The following OTULIN variants were observed in gnomAD, a reference collection of about 807,000 sequenced individuals.
The protein encoded by OTULIN is ubiquitin thioesterase otulin.
Under a neutral mutation model 39.6 loss-of-function variants are expected in OTULIN, and 15 were observed. That is an observed-to-expected ratio of 0.38 (90% CI 0.25 to 0.58). The LOEUF is 0.58. Among genes scored for constraint, OTULIN ranks in the 20% least tolerant of loss-of-function variants. The pLI, the probability that OTULIN is intolerant of heterozygous loss-of-function variation, is 0.66. For missense variants in OTULIN, 319 were observed against 445.9 expected (o/e 0.72, Z 2.56); for synonymous variants, 156 against 170.3 (o/e 0.92, Z 0.65).
At chr5:14,710,749 C>CAAATCAAAGGAAGCCGAGTTTT in the OTULIN span, 1 of 198,550 alleles carries the variant, frequency 5.0e-6, no homozygotes, top group South Asian at 8.6e-5. Context: ...GACTGGGAAG[C>CAAATCAAAGGAAGCCGAGTTTT]AAATCAAAGG....
In OTULIN at chr5:14,693,655, G is replaced by A. The variant is rs1736591514; in HGVS notation, c.*607G>A. ...CCTTTTTATGAAGGGAAGAGCAATGGTTTGGACTTACATCTTAATTAAGGC... is the reference window on the plus strand; with the variant it reads ...CCTTTTTATGAAGGGAAGAGCAATGATTTGGACTTACATCTTAATTAAGGC... On this transcript the variant is annotated 3_prime_UTR_variant, in exon 7 of 7. Transcript: ENST00000284274. 2 of 152,190 alleles carry A rather than the reference G, an allele frequency of 1.3e-5. No homozygotes were observed. The highest frequency in any genetic ancestry group is 2.9e-5 in the Non-Finnish European group (2 of 68,044). The allele number at this position is 152,190 out of a possible 1,614,324, so 9.4% of individuals were successfully genotyped here. A position where few individuals can be genotyped will look rare whatever the true frequency, so the allele number is the denominator to read the frequency against.
chr5:14,678,593 A>T, intron 2 of OTULIN, 88 bp from the exon 3 acceptor site: 1 of 921,240 alleles, frequency 1.1e-6, no homozygotes, highest in Non-Finnish European at 1.6e-6. Flanking sequence ...AAGAAAATGA[A>T]GAGTGAAGGG....
intron 4 of OTULIN, among the ~76,000 whole-genome samples, chr5:14,684,614 C>T (rs1194436728): frequency 2.0e-5 from 3 of 152,128 alleles, no homozygotes; most frequent in African/African-American, 7.2e-5. Context: ...GTTGAGTGAG[C>T]GTTTCTTGCA....
At chr5:14,689,950 T>A (rs1736482580) in intron 5 of OTULIN, 89 bp from the exon 6 acceptor site, 5 of 1,405,246 alleles carry the variant, frequency 3.6e-6, no homozygotes, top group South Asian at 1.4e-5. Context: ...TGGTCACTTT[T>A]AAAAAATAAT....
At chr5:14,701,145 C>T (rs1436372497), downstream of OTULIN, among the ~76,000 whole-genome samples, 1 of 152,206 alleles carries the variant, frequency 6.6e-6, no homozygotes. Flanking sequence ...CTTTGAGGCC[C>T]CCTCTGTCTC....
chr5:14,687,673 A>G, intron 5 of OTULIN, 27 bp downstream of exon 5: 1 of 1,582,382 alleles, frequency 6.3e-7, no homozygotes, highest in Non-Finnish European at 8.6e-7. Flanking sequence ...GTCCTGTCTG[A>G]TAAGGGTGAA....
intron 5 of OTULIN, 152 bp downstream of exon 5, chr5:14,687,798 C>A: frequency 2.2e-6 from 2 of 896,778 alleles, no homozygotes; most frequent in Non-Finnish European, 3.3e-6. Context: ...AAACTCTTCC[C>A]ACGAGGGCTT....
intron 3 of OTULIN, among the ~76,000 whole-genome samples, 190 bp downstream of exon 3, chr5:14,678,965 T>C (rs1188097255): frequency 6.6e-6 from 1 of 152,250 alleles, no homozygotes; most frequent in Non-Finnish European, 1.5e-5. Flanking sequence ...AGTATTAATA[T>C]AGAATCAGCA....
rs1736578369 is a variant in OTULIN at position 14,693,221 on chromosome 5, A to G, written c.*173A>G. On this transcript the variant is annotated 3_prime_UTR_variant, in exon 7 of 7. Coordinates refer to ENST00000284274, the MANE Select transcript of OTULIN (RefSeq NM_138348.6). ...GACTAGCTTTTGATAAGAGAAATTA[A>G]CCAAGTCTTTCCCCTCATCTATGAT... 2 of 591,020 alleles carry G rather than the reference A, an allele frequency of 3.4e-6. No individual in the cohort carries two copies. The highest frequency in any genetic ancestry group is 5.9e-6 in the Non-Finnish European group (2 of 340,744). The allele number at this position is 591,020 out of a possible 1,614,324, so 36.6% of individuals were successfully genotyped here. A position where few individuals can be genotyped will look rare whatever the true frequency, so the allele number is the denominator to read the frequency against.
At chr5:14,685,476 C>G (rs1377597266) in intron 4 of OTULIN, among the ~76,000 whole-genome samples, 1 of 152,174 alleles carries the variant, frequency 6.6e-6, no homozygotes, top group Non-Finnish European at 1.5e-5. Flanking sequence ...TGTGCTGTGA[C>G]CTCTGAAAGC....
intron 4 of OTULIN, among the ~76,000 whole-genome samples, chr5:14,681,986 A>G (rs1234968982): frequency 1.3e-5 from 2 of 152,260 alleles, no homozygotes; most frequent in East Asian, 1.9e-4. Flanking sequence ...AATTCAATAA[A>G]TTAGTACTTT....
chr5:14,702,186 G>A (rs1173051698), downstream of OTULIN, among the ~76,000 whole-genome samples: 2 of 152,204 alleles, frequency 1.3e-5, no homozygotes, highest in East Asian at 1.9e-4. Flanking sequence ...GGGACATGGA[G>A]TGGGTTTCCG....
At chr5:14,691,822 A>G (rs1406391395) in intron 6 of OTULIN, among the ~76,000 whole-genome samples, 1 of 152,190 alleles carries the variant, frequency 6.6e-6, no homozygotes. Flanking sequence ...TGGACATTTC[A>G]TATGAATGGA....
intron 5 of OTULIN, 117 bp from the exon 6 acceptor site, chr5:14,689,922 G>A: frequency 2.0e-6 from 2 of 1,009,808 alleles, no homozygotes; most frequent in African/African-American, 1.6e-5. Flanking sequence ...AATGTTGTGA[G>A]CATTGGTAAG....
At position 14,664,796 on chromosome 5, in the gene OTULIN, G is replaced by A; in HGVS notation, c.-30G>A. 1.7e-6 allele frequency: 2 copies of A among 1,197,154 alleles called. No homozygotes were observed. Among genetic ancestry groups the A allele is most frequent in the East Asian group, 3.5e-5 (1 of 28,256 alleles). The allele number at this position is 1,197,154 out of a possible 1,614,324, so 74.2% of individuals were successfully genotyped here. A position where few individuals can be genotyped will look rare whatever the true frequency, so the allele number is the denominator to read the frequency against. ...GAGGGGCTCCGGATCGTTCGGAGCC[G>A]GCTGAACCCCTTCGGCCGCGAGCGA... On this transcript the variant is annotated 5_prime_UTR_variant, in exon 1 of 7. Transcript: ENST00000284274.
At chr5:14,700,676 C>T (rs990542500), downstream of OTULIN, among the ~76,000 whole-genome samples, 79 of 151,716 alleles carry the variant, frequency 5.2e-4, no homozygotes, top group African/African-American at 1.8e-3. Flanking sequence ...CCAGCCCTCC[C>T]CTCTGCAGCC....
At chr5:14,712,799 G>A in the OTULIN span, 3 of 1,415,176 alleles carry the variant, frequency 2.1e-6, no homozygotes, top group African/African-American at 4.3e-5. Flanking sequence ...CATCCAACCT[G>A]GTCAGTGGCT....
At chr5:14,683,814 CTAAT>C (rs1736318028) in intron 4 of OTULIN, among the ~76,000 whole-genome samples, 1 of 152,010 alleles carries the variant, frequency 6.6e-6, no homozygotes, top group Non-Finnish European at 1.5e-5. Context: ...AAATAGTGTC[CTAAT>C]TAATTAAATA....
intron 1 of OTULIN, among the ~76,000 whole-genome samples, chr5:14,667,965 T>C (rs986979728): frequency 6.6e-6 from 1 of 152,198 alleles, no homozygotes; most frequent in Non-Finnish European, 1.5e-5. Context: ...GGTTGCTGGC[T>C]AGGCCAGAAA....
Sources: gnomAD v4.1 joint callset for allele counts (sites outside exome capture counted in the v4.1 genomes callset) on GRCh38, gnomAD v4.1.1 for gene constraint, MANE v1.5 for transcripts, NCBI Gene and HGNC (gene_info 2026-07-23, HGNC 2026-07-21) for gene names.